MPPED2: variants seen among roughly 807,000 people sequenced by gnomAD.
MPPED2 encodes the protein metallophosphoesterase MPPED2.
In MPPED2, 5 loss-of-function variants were observed where a neutral mutation model predicts 33.0. The observed-to-expected ratio is 0.15, with a 90% CI of 0.08 to 0.32. The LOEUF is 0.32. Ranked by LOEUF, MPPED2 falls within the 10% of genes least tolerant of loss-of-function variation. The probability of loss-of-function intolerance (pLI) is 1.00; values close to 1 mark genes in which losing one functional copy is unlikely to be tolerated. For synonymous variants in MPPED2, 136 were observed against 141.9 expected, an observed-to-expected ratio of 0.96 and a Z score of 0.29; for missense variants, 275 against 372.1, an observed-to-expected ratio of 0.74 and a Z score of 2.15.
intron 4 of MPPED2, among the ~76,000 whole-genome samples, chr11:30,473,363 C>G (rs1383249230): frequency 6.6e-6 from 1 of 152,170 alleles, no homozygotes; most frequent in Non-Finnish European, 1.5e-5. Context: ...AACATAAACT[C>G]CATCTTGCCA....
intron 6 of MPPED2, among the ~76,000 whole-genome samples, chr11:30,404,093 T>TTATA (rs1947953046): frequency 6.6e-6 from 1 of 152,002 alleles, no homozygotes; most frequent in Admixed American, 6.5e-5. Flanking sequence ...CATCCAGGAG[T>TTATA]TATATACCAC....
intron 4 of MPPED2, among the ~76,000 whole-genome samples, chr11:30,454,803 AC>A (rs756472586): frequency 6.6e-6 from 1 of 152,200 alleles, no homozygotes; most frequent in Non-Finnish European, 1.5e-5. Flanking sequence ...GATTCTGAAG[AC>A]CAAAGCACTT....
chr11:30,436,896 G>C (rs898897997), intron 4 of MPPED2, among the ~76,000 whole-genome samples: 1 of 152,144 alleles, frequency 6.6e-6, no homozygotes. Context: ...GCAACTTCTA[G>C]GTTCTAGAGA....
At chr11:30,476,600 A>G (rs1304096023) in intron 4 of MPPED2, among the ~76,000 whole-genome samples, 2 of 151,962 alleles carry the variant, frequency 1.3e-5, no homozygotes, top group African/African-American at 4.8e-5. Context: ...TTTGACATTG[A>G]TCTATGTGTC....
chr11:30,509,720 G>A (rs1953042901), intron 3 of MPPED2, among the ~76,000 whole-genome samples: 1 of 152,156 alleles, frequency 6.6e-6, no homozygotes, highest in Non-Finnish European at 1.5e-5. Context: ...GGACAGCAGG[G>A]TGCTCCTGAC....
chr11:30,539,422 T>C (rs376512862), intron 2 of MPPED2, among the ~76,000 whole-genome samples: 1 of 152,104 alleles, frequency 6.6e-6, no homozygotes, highest in Non-Finnish European at 1.5e-5. Context: ...TATTTGCACA[T>C]ATGTTTGAGT....
At chr11:30,450,623 C>A (rs1391373035) in intron 4 of MPPED2, among the ~76,000 whole-genome samples, 1 of 152,172 alleles carries the variant, frequency 6.6e-6, no homozygotes, top group Non-Finnish European at 1.5e-5. Flanking sequence ...CTCCTAGGTG[C>A]TTCTAAACAC....
intron 3 of MPPED2, among the ~76,000 whole-genome samples, chr11:30,505,258 T>G (rs1260570369): frequency 1.3e-5 from 2 of 152,144 alleles, no homozygotes; most frequent in Non-Finnish European, 2.9e-5. Flanking sequence ...ATGGCCTTAT[T>G]CCAACACAAC....
At chr11:30,406,899 A>G (rs1336624564), downstream of MPPED2, among the ~76,000 whole-genome samples, 1 of 152,202 alleles carries the variant, frequency 6.6e-6, no homozygotes, top group Non-Finnish European at 1.5e-5. Context: ...AGCATCTTAA[A>G]ACTTTCAGGA....
At chr11:30,534,753 T>C (rs979290759) in intron 3 of MPPED2, among the ~76,000 whole-genome samples, 2 of 152,112 alleles carry the variant, frequency 1.3e-5, no homozygotes, top group Admixed American at 1.3e-4. Context: ...AATAAATCAA[T>C]AGAAACAAAA....
At chr11:30,566,217 C>T (rs370395928) in intron 2 of MPPED2, among the ~76,000 whole-genome samples, 130 of 152,166 alleles carry the variant, frequency 8.5e-4, no homozygotes, top group African/African-American at 3.0e-3. Flanking sequence ...TGCTTCTGAC[C>T]GATAATTGTT....
intron 6 of MPPED2, among the ~76,000 whole-genome samples, chr11:30,393,641 A>G (rs1207742066): frequency 6.6e-6 from 1 of 152,204 alleles, no homozygotes; most frequent in African/African-American, 2.4e-5. Flanking sequence ...CAATGTGAAC[A>G]CATAGGTAGT....
intron 3 of MPPED2, among the ~76,000 whole-genome samples, chr11:30,518,405 T>G (rs560265342): frequency 2.0e-5 from 3 of 152,366 alleles, no homozygotes; most frequent in Admixed American, 2.0e-4. Context: ...CATAGCATTC[T>G]AGAAAGATTC....
intron 2 of MPPED2, among the ~76,000 whole-genome samples, chr11:30,552,140 C>T (rs147463888): frequency 6.6e-5 from 10 of 152,224 alleles, no homozygotes; most frequent in South Asian, 6.2e-4. Flanking sequence ...ATTATTCATC[C>T]GGTACTATTA....
chr11:30,388,748 T>G, exon 7 of MPPED2: 1 of 1,179,756 alleles, frequency 8.5e-7, no homozygotes, highest in Non-Finnish European at 1.1e-6. Flanking sequence ...TCCTCATGCC[T>G]TCTTTGTCTT....
chr11:30,429,930 C>T (rs1254826746), intron 4 of MPPED2, among the ~76,000 whole-genome samples: 3 of 152,058 alleles, frequency 2.0e-5, no homozygotes, highest in African/African-American at 4.8e-5. Flanking sequence ...TATCTCATTC[C>T]GACAAGCATT....
Position 30,404,256 on chromosome 11 carries a change from A to G in MPPED2, c.766+9972T>C, listed in dbSNP as rs141335609. ...TCCAGAGAGCTATTTTGGATTCCACATAAGAGTAATGGTGGCCTTGGATAA... is the reference window on the plus strand; with the variant it reads ...TCCAGAGAGCTATTTTGGATTCCACGTAAGAGTAATGGTGGCCTTGGATAA... On this transcript the variant is annotated intron_variant, in intron 6 of 6. Transcript: ENST00000448418. Among the ~76,000 whole-genome samples, 487 of 152,374 alleles carry G rather than the reference A, an allele frequency of 3.2e-3. 1 individual carries two copies. The highest frequency in any genetic ancestry group is 0.011 in the African/African-American group (460 of 41,596).
chr11:30,565,343 G>A (rs142083885), intron 2 of MPPED2, among the ~76,000 whole-genome samples: 44 of 152,168 alleles, frequency 2.9e-4, no homozygotes, highest in African/African-American at 9.9e-4. Flanking sequence ...TTTAAATTGC[G>A]CATGTGGATT....
At chr11:30,415,165 A>C (rs1418520425) in intron 5 of MPPED2, among the ~76,000 whole-genome samples, 1 of 152,216 alleles carries the variant, frequency 6.6e-6, no homozygotes, top group African/African-American at 2.4e-5. Flanking sequence ...ATTATTTAGA[A>C]ATAACTGGGC....
Sources: allele counts gnomAD v4.1 joint callset (sites outside exome capture counted in the v4.1 genomes callset), GRCh38; gene constraint gnomAD v4.1.1; transcripts MANE v1.5; gene names NCBI Gene and HGNC (gene_info 2026-07-23, HGNC 2026-07-21).